NETO1: variants seen among roughly 807,000 people sequenced by gnomAD.
NETO1 encodes the protein neuropilin and tolloid like 1, also known as neuropilin and tolloid-like protein 1.
Under a neutral mutation model 61.3 loss-of-function variants are expected in NETO1, and 26 were observed. That is an observed-to-expected ratio of 0.42 (90% CI 0.31 to 0.59). NETO1 has a LOEUF of 0.59. Ranked by LOEUF, NETO1 falls within the 20% of genes least tolerant of loss-of-function variation. The pLI, the probability that NETO1 is intolerant of heterozygous loss-of-function variation, is 0.12. For synonymous variants in NETO1, 225 were observed against 225.8 expected, an observed-to-expected ratio of 1.00 and a Z score of 0.03; for missense variants, 531 against 662.8, an observed-to-expected ratio of 0.80 and a Z score of 2.18.
At chr18:72,850,204 CT>C (rs1256252945) in intron 4 of NETO1, among the ~76,000 whole-genome samples, 4 of 152,186 alleles carry the variant, frequency 2.6e-5, no homozygotes, top group Non-Finnish European at 5.9e-5. Flanking sequence ...TATGAACTCA[CT>C]GTATGAAAGC....
intron 4 of NETO1, among the ~76,000 whole-genome samples, chr18:72,823,582 T>G (rs537795148): frequency 6.6e-6 from 1 of 151,950 alleles, no homozygotes; most frequent in Non-Finnish European, 1.5e-5. Context: ...AGACGGGAGT[T>G]AAAAGGATGG....
intron 2 of NETO1, 55 bp downstream of exon 2, chr18:72,865,133 G>A (rs1209480192): frequency 6.5e-7 from 1 of 1,541,036 alleles, no homozygotes; most frequent in Non-Finnish European, 8.9e-7. Flanking sequence ...GAGGAAAATA[G>A]GAAAATACAA....
chr18:72,761,844 A>G (rs1027327788), intron 7 of NETO1, among the ~76,000 whole-genome samples: 1 of 152,194 alleles, frequency 6.6e-6, no homozygotes, highest in Non-Finnish European at 1.5e-5. Context: ...TTGGAAACAA[A>G]ATTTAGTACA....
intron 4 of NETO1, among the ~76,000 whole-genome samples, chr18:72,817,201 T>C (rs1263055049): frequency 1.3e-5 from 2 of 152,234 alleles, no homozygotes; most frequent in Admixed American, 6.5e-5. Context: ...CGGTTCCTGC[T>C]GCTACCTTCT....
intron 4 of NETO1, among the ~76,000 whole-genome samples, chr18:72,826,364 G>A (rs1432678713): frequency 6.6e-6 from 1 of 152,022 alleles, no homozygotes; most frequent in Non-Finnish European, 1.5e-5. Flanking sequence ...CCTCCTACAT[G>A]TGTGTCTGTA....
chr18:72,757,030 G>A (rs1463056951), intron 7 of NETO1, among the ~76,000 whole-genome samples: 1 of 151,998 alleles, frequency 6.6e-6, no homozygotes, highest in East Asian at 1.9e-4. Context: ...TGCTTTTAAA[G>A]CTAACTTTTG....
intron 4 of NETO1, among the ~76,000 whole-genome samples, chr18:72,858,218 C>T (rs1005609713): frequency 2.6e-5 from 4 of 151,996 alleles, no homozygotes; most frequent in South Asian, 2.1e-4. Flanking sequence ...TTAATTCTAG[C>T]GAGTTAAAAG....
chr18:72,756,004 T>A (rs779614395), intron 8 of NETO1, 30 bp downstream of exon 8: 49 of 1,269,970 alleles, frequency 3.9e-5, no homozygotes, highest in Non-Finnish European at 5.5e-5. Flanking sequence ...GGGAGGAAAT[T>A]TTTTTCAAAT....
intron 4 of NETO1, among the ~76,000 whole-genome samples, chr18:72,816,071 C>T (rs1317818712): frequency 2.0e-5 from 3 of 151,980 alleles, no homozygotes; most frequent in Non-Finnish European, 4.4e-5. Context: ...CTCTCTCTCT[C>T]CCTCTGTCCC....
intron 4 of NETO1, among the ~76,000 whole-genome samples, chr18:72,837,631 T>C (rs1336670519): frequency 1.3e-5 from 2 of 152,222 alleles, no homozygotes; most frequent in Non-Finnish European, 2.9e-5. Flanking sequence ...TATAGGAATA[T>C]AGTTATATAT....
chr18:72,749,218 CA>C, intron 9 of NETO1, 130 bp from the exon 10 acceptor site: 1 of 607,462 alleles, frequency 1.6e-6, no homozygotes, highest in African/African-American at 1.9e-5. Context: ...GCATGCAAAA[CA>C]TATCAAATCA....
Position 72,746,288 on chromosome 18 carries a change from T to TA in NETO1, c.*1890dup, listed in dbSNP as rs777202686. The stretch of plus-strand genomic sequence containing the variant: ...GCAATATAAGATATGATTAATCCTT[T>TA]AAAAAAATCTTTGGTGTATTAATTT... On this transcript the variant is annotated 3_prime_UTR_variant, in exon 11 of 11. Coordinates refer to ENST00000327305, the MANE Select transcript of NETO1 (RefSeq NM_138966.5). Among the ~76,000 whole-genome samples the TA allele has an allele frequency of 1.3e-5, 2 of 152,100 alleles. No homozygotes were observed. The highest frequency in any genetic ancestry group is 1.5e-5 in the Non-Finnish European group (1 of 67,992).
At chr18:72,772,920 T>C (rs2071424919) in intron 7 of NETO1, among the ~76,000 whole-genome samples, 1 of 146,554 alleles carries the variant, frequency 6.8e-6, no homozygotes, top group South Asian at 2.2e-4. Flanking sequence ...CATTCCAGTA[T>C]TTCTGGTACT....
chr18:72,773,310 T>C (rs1054274372), intron 7 of NETO1, among the ~76,000 whole-genome samples: 1 of 152,122 alleles, frequency 6.6e-6, no homozygotes, highest in African/African-American at 2.4e-5. Context: ...CCCCTTCTTT[T>C]GATTAAATCA....
chr18:72,838,497 C>A (rs544309548), intron 4 of NETO1, among the ~76,000 whole-genome samples: 1 of 152,138 alleles, frequency 6.6e-6, no homozygotes, highest in Non-Finnish European at 1.5e-5. Flanking sequence ...ATTGTTAAAC[C>A]AAGAGGTGGT....
chr18:72,758,942 T>C lies in NETO1; in HGVS notation c.869-2795A>G, dbSNP rs189821562. ...TTTTGTTTTATAGACACCCAAAGTA[T>C]AATATTATATTGGGTTCCGAATTTC... On this transcript the variant is annotated intron_variant, in intron 7 of 10. Coordinates refer to ENST00000327305, the MANE Select transcript of NETO1 (RefSeq NM_138966.5). 2.3e-3 allele frequency among the ~76,000 whole-genome samples: 347 copies of C among 152,318 alleles called. 1 individual carries two copies. Among genetic ancestry groups the C allele is most frequent in the Non-Finnish European group, 4.1e-3 (279 of 68,032 alleles).
intron 4 of NETO1, among the ~76,000 whole-genome samples, chr18:72,803,837 G>C (rs1163004727): frequency 6.7e-6 from 1 of 148,970 alleles, no homozygotes; most frequent in African/African-American, 2.5e-5. Context: ...AAAAAAAAAA[G>C]ATACTCTTTC....
chr18:72,832,025 C>A (rs528428128), intron 4 of NETO1, among the ~76,000 whole-genome samples: 1 of 152,144 alleles, frequency 6.6e-6, no homozygotes, highest in South Asian at 2.1e-4. Context: ...TTTATTATGA[C>A]AAAATCACAT....
chr18:72,762,314 C>T (rs1219911721), intron 7 of NETO1, among the ~76,000 whole-genome samples: 1 of 152,070 alleles, frequency 6.6e-6, no homozygotes, highest in Admixed American at 6.5e-5. Flanking sequence ...GCATGCACCA[C>T]CACGCCCGGC....
Sources: allele counts gnomAD v4.1 joint callset (sites outside exome capture counted in the v4.1 genomes callset), GRCh38; gene constraint gnomAD v4.1.1; transcripts MANE v1.5; gene names NCBI Gene and HGNC (gene_info 2026-07-23, HGNC 2026-07-21).